The following ADAM22 variants were observed in gnomAD, a reference collection of about 807,000 sequenced individuals.
The protein encoded by ADAM22 is ADAM metallopeptidase domain 22.
ADAM22 carries 65 observed loss-of-function variants against 144.6 expected under a neutral mutation model. The observed-to-expected ratio is 0.45, with a 90% CI of 0.37 to 0.55. ADAM22 has a LOEUF of 0.55. Ranked by LOEUF, ADAM22 falls within the 20% of genes least tolerant of loss-of-function variation. The pLI is 0.00. For synonymous variants in ADAM22, 391 were observed against 412.6 expected (o/e 0.95, Z 0.63); for missense variants, 974 against 1,184.9 (o/e 0.82, Z 2.61).
At chr7:88,142,883 G>T in intron 14 of ADAM22, 143 bp from the exon 15 acceptor site, 1 of 496,582 alleles carries the variant, frequency 2.0e-6, no homozygotes, top group South Asian at 3.0e-5. Flanking sequence ...AACTCTTATA[G>T]ATTGAATATA....
chr7:88,133,077 T>C (rs1832193705), intron 12 of ADAM22, 126 bp downstream of exon 12: 1 of 786,096 alleles, frequency 1.3e-6, no homozygotes, highest in Non-Finnish European at 2.0e-6. Context: ...CAAATCAGTA[T>C]GGTGGCCTGG....
In ADAM22 at chr7:88,180,536, A is replaced by T. The variant is rs554370659; in HGVS notation, c.2496-969A>T. Among the ~76,000 whole-genome samples the T allele has an allele frequency of 4.6e-5, 7 of 152,042 alleles. No homozygotes were observed. The South Asian group carries it at 1.4e-3, about 31-fold the overall frequency. The stretch of plus-strand genomic sequence containing the variant: ...GTAGAAGGCTTTTTTTGAAATAGAA[A>T]TTATTTCTATTATTATTCCATTAAC... On this transcript the variant is annotated intron_variant, in intron 27 of 31. Transcript: ENST00000413139.
intron 23 of ADAM22, among the ~76,000 whole-genome samples, chr7:88,163,713 T>C (rs1007079343): frequency 1.3e-4 from 20 of 152,134 alleles, no homozygotes; most frequent in Non-Finnish European, 2.1e-4. Context: ...TGAAAGACTT[T>C]TAATTCTATT....
At chr7:88,067,332 G>T (rs1464470986) in intron 3 of ADAM22, among the ~76,000 whole-genome samples, 1 of 151,290 alleles carries the variant, frequency 6.6e-6, no homozygotes, top group Non-Finnish European at 1.5e-5. Context: ...TGCCATGCTG[G>T]TGTGCTGCAC....
intron 2 of ADAM22, among the ~76,000 whole-genome samples, chr7:87,974,321 A>AAAAAAAT (rs2129447982): frequency 6.6e-6 from 1 of 151,640 alleles, no homozygotes; most frequent in African/African-American, 2.4e-5. Flanking sequence ...AAAAAAAAGA[A>AAAAAAAT]AAAAAATAAA....
chr7:88,052,323 C>T (rs558788738), intron 3 of ADAM22, among the ~76,000 whole-genome samples: 1 of 149,120 alleles, frequency 6.7e-6, no homozygotes, highest in East Asian at 2.0e-4. Flanking sequence ...AGGTGAAACC[C>T]CGTCTCTACT....
intron 30 of ADAM22, among the ~76,000 whole-genome samples, chr7:88,189,163 C>T (rs1360020483): frequency 6.6e-6 from 1 of 152,182 alleles, no homozygotes; most frequent in Non-Finnish European, 1.5e-5. Flanking sequence ...ATGGTGGTTG[C>T]TCAGGTTGTC....
chr7:87,934,449 G>A lies in ADAM22; in HGVS notation c.-17G>A. ...AGGAGCTGAGCGTCTCGGGCGAGGC[G>A]GGCTGACGGCAGCACCATGCAGGCG... is the stretch of plus-strand genomic sequence containing the variant. On this transcript the variant is annotated 5_prime_UTR_variant, in exon 1 of 32. Coordinates refer to ENST00000413139, the MANE Select transcript of ADAM22 (RefSeq NM_001324418.2). The A allele has an allele frequency of 6.3e-7, 1 of 1,580,366 alleles. No homozygotes were observed. Among genetic ancestry groups the A allele is most frequent in the Non-Finnish European group, 8.6e-7 (1 of 1,168,472 alleles).
chr7:88,184,366 G>T (rs1005614722), intron 29 of ADAM22: 6 of 437,740 alleles, frequency 1.4e-5, no homozygotes, highest in Non-Finnish European at 2.3e-5. Context: ...AGCCCAGGGG[G>T]CTCTGACAGC....
At chr7:88,154,598 G>A (rs1203061324) in intron 21 of ADAM22, among the ~76,000 whole-genome samples, 2 of 152,020 alleles carry the variant, frequency 1.3e-5, no homozygotes, top group African/African-American at 4.8e-5. Context: ...TTGTTTATGT[G>A]TGTGATTTAT....
intron 4 of ADAM22, among the ~76,000 whole-genome samples, chr7:88,103,745 A>G (rs1030132684): frequency 6.6e-6 from 1 of 152,182 alleles, no homozygotes; most frequent in African/African-American, 2.4e-5. Context: ...AGATTATTGT[A>G]TATAATACTT....
chr7:88,035,838 T>G (rs1390926306), intron 3 of ADAM22, among the ~76,000 whole-genome samples: 1 of 152,196 alleles, frequency 6.6e-6, no homozygotes, highest in Non-Finnish European at 1.5e-5. Flanking sequence ...TTTAGTCGTG[T>G]CAGAAAATAC....
intron 3 of ADAM22, among the ~76,000 whole-genome samples, chr7:88,018,484 AGAGCAG>A (rs1797039875): frequency 6.6e-6 from 1 of 152,190 alleles, no homozygotes; most frequent in African/African-American, 2.4e-5. Flanking sequence ...CACACTGAGT[AGAGCAG>A]GAAAACATAG....
chr7:88,087,895 C>T (rs1240138118), intron 4 of ADAM22, among the ~76,000 whole-genome samples: 4 of 152,118 alleles, frequency 2.6e-5, no homozygotes, highest in African/African-American at 7.2e-5. Flanking sequence ...GTTTACGACT[C>T]ATCATTTGAT....
In ADAM22 at chr7:88,053,596, GAAAGAAAGAAAGAAA is replaced by G. The variant is rs1563114115; in HGVS notation, c.324-22029_324-22015del. 7.3e-3 allele frequency among the ~76,000 whole-genome samples: 243 copies of G among 33,384 alleles called. 3 individuals are homozygous for G. Among genetic ancestry groups the G allele is most frequent in the African/African-American group, 0.019 (226 of 12,162 alleles). 21.9% of individuals were successfully genotyped at this position (33,384 alleles called of 152,430 possible). A position where few individuals can be genotyped will look rare whatever the true frequency, so the allele number is the denominator to read the frequency against. On this transcript the variant is annotated intron_variant, in intron 3 of 31. Transcript: ENST00000413139. ...GGAGGAAAGGAAGGAAGGAAGGAAA[GAAAGAAAGAAAGAAA>G]GAAAGAAAGAAAGAAAGAAAGAAAG...
At chr7:88,106,186 C>T (rs1404968921) in intron 4 of ADAM22, among the ~76,000 whole-genome samples, 1 of 152,160 alleles carries the variant, frequency 6.6e-6, no homozygotes, top group Non-Finnish European at 1.5e-5. Context: ...GGGTTCCATT[C>T]CCTGTACAAC....
intron 4 of ADAM22, among the ~76,000 whole-genome samples, chr7:88,093,856 A>T (rs1420708501): frequency 6.6e-6 from 1 of 152,190 alleles, no homozygotes; most frequent in African/African-American, 2.4e-5. Context: ...ATATTTTATC[A>T]TAACACTATT....
intron 7 of ADAM22, among the ~76,000 whole-genome samples, chr7:88,124,120 A>G (rs994365437): frequency 1.2e-4 from 18 of 151,888 alleles, no homozygotes; most frequent in African/African-American, 4.1e-4. Context: ...AAAAATGCCA[A>G]CTTAGTTAAA....
chr7:88,108,129 A>C, intron 4 of ADAM22, 47 bp from the exon 5 acceptor site: 1 of 1,525,006 alleles, frequency 6.6e-7, no homozygotes, highest in Non-Finnish European at 9.0e-7. Context: ...GAAGCAGCTG[A>C]TTCTCCTTGT....
Sources: gnomAD v4.1 joint callset for allele counts (sites outside exome capture counted in the v4.1 genomes callset) on GRCh38, gnomAD v4.1.1 for gene constraint, MANE v1.5 for transcripts, NCBI Gene and HGNC (gene_info 2026-07-23, HGNC 2026-07-21) for gene names.